The following UNC80 variants were observed in gnomAD, a reference collection of about 807,000 sequenced individuals.
UNC80 encodes the protein protein unc-80 homolog.
In UNC80, 164 loss-of-function variants were observed where a neutral mutation model predicts 384.6. The observed-to-expected ratio is 0.43, with a 90% confidence interval of 0.38 to 0.49. UNC80 has a LOEUF of 0.49. Ranked by LOEUF, UNC80 falls within the 20% of genes least tolerant of loss-of-function variation. The probability of loss-of-function intolerance (pLI) is 0.00; values close to 1 mark genes in which losing one functional copy is unlikely to be tolerated. For synonymous variants in UNC80, 1,486 were observed against 1,527.8 expected, an observed-to-expected ratio of 0.97 and a Z score of 0.64; for missense variants, 3,330 against 4,143.0, an observed-to-expected ratio of 0.80 and a Z score of 5.39.
chr2:209,863,124 T>C (rs1319296976), intron 22 of UNC80, among the ~76,000 whole-genome samples: 3 of 152,192 alleles, frequency 2.0e-5, no homozygotes, highest in African/African-American at 7.2e-5. Context: ...AAATTCTGGG[T>C]TGAAAATTCT....
At chr2:209,972,358 T>C in intron 55 of UNC80, 34 bp downstream of exon 55, 2 of 1,545,842 alleles carry the variant, frequency 1.3e-6, no homozygotes, top group East Asian at 2.5e-5. Flanking sequence ...AATTTATCAT[T>C]GTTGTTGTGT....
rs968170302 is a variant in UNC80 at position 209,835,029 on chromosome 2, G to A, written c.3041+19G>A. 17 of 1,536,742 alleles carry A rather than the reference G, an allele frequency of 1.1e-5. No homozygotes were observed. Among genetic ancestry groups the A allele is most frequent in the Non-Finnish European group, 1.5e-5 (17 of 1,134,952 alleles). On this transcript the variant is annotated intron_variant, in intron 18 of 64. Transcript: ENST00000673920. ...CAGAGCAGTAAGTAGCGTTGGTTTT[G>A]TCTCCAGTGCAGACGGCTATGCACT...
intron 24 of UNC80, among the ~76,000 whole-genome samples, chr2:209,878,848 C>T (rs2085013361): frequency 6.6e-6 from 1 of 152,116 alleles, no homozygotes. Flanking sequence ...TCCTCCTGAC[C>T]TTCCCCTGTG....
intron 47 of UNC80, among the ~76,000 whole-genome samples, chr2:209,950,713 C>T (rs1228981854): frequency 6.6e-6 from 1 of 152,094 alleles, no homozygotes; most frequent in Non-Finnish European, 1.5e-5. Context: ...CATGTGCCAC[C>T]ACACCTGGCT....
rs373218585 is a variant in UNC80 at position 209,918,589 on chromosome 2, G to A, written c.5269G>A (p.Val1757Ile). ...CTCGCCGGTGCTTGGAATGCCATCCGTCCCAATGTTTGACCCACCGTGGGT... is the reference window on the plus strand; with the variant it reads ...CTCGCCGGTGCTTGGAATGCCATCCATCCCAATGTTTGACCCACCGTGGGT... The part of the protein sequence containing the change: ...LPSPVLGMPS[V>I]PMFDPPWVPQ... Residue 1757 changes from valine to isoleucine, a missense_variant, in exon 33 of 65, where the codon GTC becomes ATC. Coordinates refer to ENST00000673920, the MANE Select transcript of UNC80 (RefSeq NM_001371986.1). 105 of 1,551,936 alleles carry A rather than the reference G, an allele frequency of 6.8e-5. 1 individual carries two copies. Among genetic ancestry groups the A allele is most frequent in the Middle Eastern group, 1.7e-4 (1 of 6,020 alleles).
In UNC80 at chr2:209,917,965, G is replaced by T. The variant is rs1165711517; in HGVS notation, c.5211+7G>T. 6.4e-6 allele frequency: 10 copies of T among 1,551,096 alleles called. No homozygotes were observed. The highest frequency in any genetic ancestry group is 5.9e-5 in the Admixed American group (3 of 50,970). ...GGCACAGCAGATTTTTAAGGTGAGG[G>T]ATACTTCTCACAGAGGAGTTACATT... On this transcript the variant is annotated splice_region_variant and intron_variant, in intron 32 of 64. Coordinates refer to ENST00000673920, the MANE Select transcript of UNC80 (RefSeq NM_001371986.1).
At chr2:209,816,005 T>G (rs1215511164) in intron 9 of UNC80, among the ~76,000 whole-genome samples, 1 of 152,216 alleles carries the variant, frequency 6.6e-6, no homozygotes, top group African/African-American at 2.4e-5. Flanking sequence ...AAACTGTTAG[T>G]TTAGTTATGC....
intron 21 of UNC80, 112 bp downstream of exon 21, chr2:209,842,558 T>C (rs1395453401): frequency 1.9e-5 from 15 of 784,928 alleles, no homozygotes; most frequent in African/African-American, 1.7e-5. Flanking sequence ...TTCATTTCTT[T>C]CTCATACATG....
In UNC80 at chr2:209,872,799, T is replaced by G; in HGVS notation, c.3669T>G (p.Cys1223Trp). Residue 1223 changes from cysteine (C) to tryptophan (W), a missense_variant, in exon 23 of 65, where the codon TGT becomes TGG. Cys to Trp is a radical substitution (Grantham distance 215). This residue lies in a region of UNC80 where 801 missense variants were observed against 950.8 expected (regional missense o/e 0.84). Coordinates refer to ENST00000673920, the MANE Select transcript of UNC80 (RefSeq NM_001371986.1). This position sits in a 1 kb window ranked among gnomAD's most constrained non-coding sequence, Gnocchi z 4.1. Reference sequence around the variant, plus strand: ...CCAGAGCAGCCTTGTTCCTGGAATGTGCTCGTTTTGTTCACCGCTGCAACC... The same window carrying G: ...CCAGAGCAGCCTTGTTCCTGGAATGGGCTCGTTTTGTTCACCGCTGCAACC... ...VVARAALFLE[C>W]ARFVHRCNRG... 2.6e-6 allele frequency: 4 copies of G among 1,551,514 alleles called. No homozygotes were observed. Among genetic ancestry groups the G allele is most frequent in the Non-Finnish European group, 3.5e-6 (4 of 1,146,832 alleles).
chr2:209,904,386 T>C (rs906200941), intron 28 of UNC80, among the ~76,000 whole-genome samples: 9 of 152,228 alleles, frequency 5.9e-5, no homozygotes, highest in Non-Finnish European at 1.3e-4. Flanking sequence ...GGGACAGAAT[T>C]TCTCACCAGT....
At chr2:209,831,729 G>A in intron 16 of UNC80, 138 bp downstream of exon 16, 1 of 1,006,452 alleles carries the variant, frequency 9.9e-7, no homozygotes, top group East Asian at 2.8e-5. Context: ...TTTCCCCGGT[G>A]TCACCAGTAA....
intron 61 of UNC80, among the ~76,000 whole-genome samples, chr2:209,986,835 C>T (rs2093300101): frequency 6.6e-6 from 1 of 152,154 alleles, no homozygotes; most frequent in Non-Finnish European, 1.5e-5. Context: ...ACCAAGTTCT[C>T]TTTGGAGGAG....
intron 10 of UNC80, 52 bp from the exon 11 acceptor site, chr2:209,817,760 A>G: frequency 6.5e-7 from 1 of 1,546,930 alleles, no homozygotes; most frequent in South Asian, 1.2e-5. Flanking sequence ...ATCTTGGCAG[A>G]ATAACTTTCA....
intron 31 of UNC80, among the ~76,000 whole-genome samples, chr2:209,916,343 A>G (rs2089533242): frequency 6.6e-6 from 1 of 152,224 alleles, no homozygotes; most frequent in South Asian, 2.1e-4. Flanking sequence ...CTGTGGAAGC[A>G]AAGGAAAATA....
intron 51 of UNC80, among the ~76,000 whole-genome samples, chr2:209,962,799 G>A (rs113767893): frequency 0.025 from 3,767 of 152,268 alleles, 107 homozygotes; most frequent in South Asian, 0.14. Context: ...CTAAGCAAAG[G>A]ATGTAATTAA....
At chr2:209,787,763 A>T (rs2077533551) in intron 5 of UNC80, among the ~76,000 whole-genome samples, 1 of 152,220 alleles carries the variant, frequency 6.6e-6, no homozygotes, top group South Asian at 2.1e-4. Context: ...ACCAACAAGT[A>T]TATAACTGGT....
At chr2:209,854,074 C>CA (rs1415651073) in intron 22 of UNC80, among the ~76,000 whole-genome samples, 1 of 152,102 alleles carries the variant, frequency 6.6e-6, no homozygotes, top group Non-Finnish European at 1.5e-5. Flanking sequence ...GTCTAATTCA[C>CA]ACTTACTTCC....
At chr2:209,772,187 C>T in intron 1 of UNC80, 23 bp downstream of exon 1, 2 of 1,519,256 alleles carry the variant, frequency 1.3e-6, no homozygotes, top group South Asian at 2.4e-5. Context: ...GAGGGCGCAC[C>T]GCGGGCCGCC....
At position 209,870,430 on chromosome 2, in the gene UNC80, A is replaced by G. The variant is rs192535227; in HGVS notation, c.3628-2328A>G. Among the ~76,000 whole-genome samples the G allele has an allele frequency of 9.7e-4, 147 of 152,266 alleles. 1 individual carries two copies. The highest frequency in any genetic ancestry group is 3.5e-3 in the African/African-American group (145 of 41,570). On this transcript the variant is annotated intron_variant, in intron 22 of 64. Transcript: ENST00000673920. ...TTAGTCTATATGGCATGGCACTGCA[A>G]TACTGCTGGGTTTAATGCAGAAGAT...
Sources: gnomAD v4.1 joint callset for allele counts (sites outside exome capture counted in the v4.1 genomes callset) on GRCh38, gnomAD v4.1.1 for gene constraint, gnomAD v4.1.1 regional missense constraint, Gnocchi (gnomAD v3.1) non-coding constraint, MANE v1.5 for transcripts, NCBI Gene and HGNC (gene_info 2026-07-23, HGNC 2026-07-21) for gene names.